CRTAC1: variants seen among roughly 807,000 people sequenced by gnomAD.
The protein encoded by CRTAC1 is cartilage acidic protein 1.
A neutral mutation model predicts 67.8 loss-of-function variants in CRTAC1; 37 were observed. That is an observed-to-expected ratio of 0.55 (90% confidence interval 0.42 to 0.72). The LOEUF (loss-of-function observed/expected upper bound fraction) is 0.72. Ranked by LOEUF, CRTAC1 falls within the 30% of genes least tolerant of loss-of-function variation. The pLI is 0.00. For synonymous variants in CRTAC1, 348 were observed against 371.0 expected (o/e 0.94, Z 0.71); for missense variants, 780 against 931.6 (o/e 0.84, Z 2.12).
chr10:97,877,016 T>C (rs7068438), intron 14 of CRTAC1, among the ~76,000 whole-genome samples: 61,670 of 143,516 alleles, frequency 0.43, 14,211 homozygotes, highest in African/African-American at 0.61. Flanking sequence ...TATCCACCTG[T>C]CCTCTGTATC....
Position 97,895,166 on chromosome 10 carries a change from A to G in CRTAC1, c.1486+79T>C, listed in dbSNP as rs2050438209. 34 of 1,442,012 alleles carry G rather than the reference A, an allele frequency of 2.4e-5. No homozygotes were observed. The South Asian group carries it at 3.8e-4, about 16-fold the overall frequency. 89.3% of individuals were successfully genotyped at this position (1,442,012 alleles called of 1,614,324 possible). ...TCACAGTAGAGCGGAGCGGTGCCCA[A>G]GGATGCTCGGGCTGTGAGTCCCTGA... On this transcript the variant is annotated intron_variant, in intron 11 of 14. Coordinates refer to ENST00000370597, the MANE Select transcript of CRTAC1 (RefSeq NM_018058.7). The surrounding 1 kb of genome is among the most constrained non-coding windows in gnomAD (Gnocchi z 4.2).
At chr10:97,865,805 T>A in intron 14 of CRTAC1, 91 bp from the exon 15 acceptor site, 33 of 477,344 alleles carry the variant, frequency 6.9e-5, no homozygotes, top group Non-Finnish European at 1.0e-4. Flanking sequence ...TTCTTTGGGC[T>A]CACCCTGCTG....
chr10:98,021,352 G>C (rs7067580), intron 1 of CRTAC1, among the ~76,000 whole-genome samples: 2,077 of 152,234 alleles, frequency 0.014, 57 homozygotes, highest in African/African-American at 0.043. Flanking sequence ...AGCACTCATA[G>C]ACAGGAGACT....
intron 11 of CRTAC1, among the ~76,000 whole-genome samples, chr10:97,894,806 C>T (rs1471871270): frequency 7.3e-6 from 1 of 137,082 alleles, no homozygotes; most frequent in African/African-American, 2.7e-5. Flanking sequence ...CAAGAACCCA[C>T]TCTCTCCCCT....
At chr10:98,014,761 C>T (rs1289675644) in intron 1 of CRTAC1, among the ~76,000 whole-genome samples, 1 of 152,138 alleles carries the variant, frequency 6.6e-6, no homozygotes, top group Admixed American at 6.5e-5. Context: ...ATTTCACACC[C>T]ATTAGGATGG....
At chr10:97,900,412 C>T (rs1197424269) in intron 8 of CRTAC1, among the ~76,000 whole-genome samples, 3 of 152,236 alleles carry the variant, frequency 2.0e-5, no homozygotes, top group Non-Finnish European at 4.4e-5. Flanking sequence ...CTGAGAAGTC[C>T]TGCAGTAAAT....
chr10:97,936,092 G>C, intron 3 of CRTAC1, 78 bp downstream of exon 3: 1 of 1,404,848 alleles, frequency 7.1e-7, no homozygotes, highest in Non-Finnish European at 9.8e-7. Context: ...AAGGGCCAGG[G>C]TTCCCATGGC....
chr10:97,964,759 C>T (rs777299123), intron 2 of CRTAC1, among the ~76,000 whole-genome samples: 2 of 152,152 alleles, frequency 1.3e-5, no homozygotes, highest in East Asian at 1.9e-4. Flanking sequence ...ACTTCTTTCT[C>T]GATAGCTACT....
chr10:97,885,390 T>C (rs1450410294), intron 11 of CRTAC1, among the ~76,000 whole-genome samples: 1 of 152,092 alleles, frequency 6.6e-6, no homozygotes, highest in Non-Finnish European at 1.5e-5. Flanking sequence ...GATAAAGAGA[T>C]GGCAGGTGGA....
chr10:97,889,822 G>C (rs1447269312), intron 11 of CRTAC1, among the ~76,000 whole-genome samples: 2 of 152,188 alleles, frequency 1.3e-5, no homozygotes, highest in African/African-American at 2.4e-5. Flanking sequence ...CTGAAGCCTT[G>C]TGAGTGCTGG....
At chr10:97,966,321 G>A (rs1369998752) in intron 2 of CRTAC1, among the ~76,000 whole-genome samples, 3 of 152,238 alleles carry the variant, frequency 2.0e-5, no homozygotes, top group African/African-American at 7.2e-5. Flanking sequence ...TGTTGGCCAG[G>A]CTGGTCTTGA....
Position 98,029,753 on chromosome 10 carries a change from C to T in CRTAC1, c.24+696G>A, listed in dbSNP as rs1023065537. 1.3e-5 allele frequency among the ~76,000 whole-genome samples: 2 copies of T among 149,824 alleles called. No homozygotes were observed. Among genetic ancestry groups the T allele is most frequent in the African/African-American group, 4.8e-5 (2 of 41,298 alleles). On this transcript the variant is annotated intron_variant, in intron 1 of 14. Coordinates refer to ENST00000370597, the MANE Select transcript of CRTAC1 (RefSeq NM_018058.7). This position sits in a 1 kb window ranked among gnomAD's most constrained non-coding sequence, Gnocchi z 4.7. ...GCCCCCAAGCCCGGCCTGGCTGCCC[C>T]ATCAAAGCCTCCAAGTGCCCCCACG...
intron 2 of CRTAC1, among the ~76,000 whole-genome samples, chr10:97,991,337 C>T (rs1325240394): frequency 1.3e-5 from 2 of 151,560 alleles, no homozygotes; most frequent in African/African-American, 4.8e-5. Flanking sequence ...CACTTAAACC[C>T]AGGAGTCGGA....
At chr10:97,891,706 C>T (rs973321797) in intron 11 of CRTAC1, among the ~76,000 whole-genome samples, 10 of 152,246 alleles carry the variant, frequency 6.6e-5, no homozygotes, top group Non-Finnish European at 1.3e-4. Context: ...CCCCCATGTC[C>T]TTCCCTCCAT....
At chr10:97,912,104 A>C (rs1261786874) in intron 5 of CRTAC1, among the ~76,000 whole-genome samples, 4 of 152,136 alleles carry the variant, frequency 2.6e-5, no homozygotes, top group Non-Finnish European at 5.9e-5. Context: ...CTAGAACATA[A>C]GAGTGATAAT....
intron 9 of CRTAC1, among the ~76,000 whole-genome samples, chr10:97,896,286 A>G (rs933192262): frequency 2.0e-5 from 3 of 152,036 alleles, no homozygotes; most frequent in Non-Finnish European, 4.4e-5. Context: ...TGAATAATAC[A>G]CACCTGTTAT....
intron 2 of CRTAC1, among the ~76,000 whole-genome samples, chr10:97,982,914 T>G (rs999078098): frequency 6.6e-6 from 1 of 152,178 alleles, no homozygotes; most frequent in African/African-American, 2.4e-5. Flanking sequence ...GCTTTTTAAT[T>G]TTTTTAAACA....
chr10:97,906,463 G>A (rs2136572558), intron 6 of CRTAC1, among the ~76,000 whole-genome samples: 1 of 152,210 alleles, frequency 6.6e-6, no homozygotes, highest in South Asian at 2.1e-4. Flanking sequence ...CAATCATTCT[G>A]ACTTTCAATT....
At chr10:98,025,770 C>G (rs1005704545) in intron 1 of CRTAC1, among the ~76,000 whole-genome samples, 1 of 152,240 alleles carries the variant, frequency 6.6e-6, no homozygotes, top group Non-Finnish European at 1.5e-5. Flanking sequence ...AATTTGTCAG[C>G]ACTCTTAAAT....
Sources: allele counts gnomAD v4.1 joint callset (sites outside exome capture counted in the v4.1 genomes callset), GRCh38; gene constraint gnomAD v4.1.1; non-coding constraint Gnocchi (gnomAD v3.1); transcripts MANE v1.5; gene names NCBI Gene and HGNC (gene_info 2026-07-23, HGNC 2026-07-21).